CDK14: variants seen among roughly 807,000 people sequenced by gnomAD.
The protein encoded by CDK14 is cyclin dependent kinase 14, also known as cyclin-dependent kinase 14.
Under a neutral mutation model 60.7 loss-of-function variants are expected in CDK14, and 34 were observed. That is an observed-to-expected ratio of 0.56 (90% CI 0.43 to 0.75). The LOEUF (loss-of-function observed/expected upper bound fraction) is 0.75. Among genes scored for constraint, CDK14 ranks in the 30% least tolerant of loss-of-function variants. The pLI is 0.00. For missense variants in CDK14, 482 were observed against 564.1 expected (o/e 0.85, Z 1.47); for synonymous variants, 197 against 203.7 (o/e 0.97, Z 0.28).
intron 2 of CDK14, among the ~76,000 whole-genome samples, chr7:90,610,224 T>A (rs941368703): frequency 6.6e-6 from 1 of 152,096 alleles, no homozygotes; most frequent in Non-Finnish European, 1.5e-5. Context: ...GCCTTACCCC[T>A]TTGTACTTCA....
intron 11 of CDK14, among the ~76,000 whole-genome samples, chr7:91,057,967 A>C (rs954451206): frequency 1.7e-4 from 26 of 152,054 alleles, no homozygotes; most frequent in African/African-American, 6.0e-4. Flanking sequence ...CTTGATGGGG[A>C]TGGCATTGAA....
intron 12 of CDK14, among the ~76,000 whole-genome samples, chr7:91,108,504 A>G (rs984738093): frequency 1.3e-5 from 2 of 152,206 alleles, no homozygotes; most frequent in Non-Finnish European, 2.9e-5. Flanking sequence ...TATGTTTTTA[A>G]TGTCCTACAG....
At chr7:90,751,168 C>A (rs1334412044) in intron 4 of CDK14, among the ~76,000 whole-genome samples, 1 of 151,796 alleles carries the variant, frequency 6.6e-6, no homozygotes, top group African/African-American at 2.4e-5. Context: ...TATCCAGATT[C>A]AAAAAATCTG....
chr7:90,621,663 TCCTTCCTGCCTTCCTG>T (rs1285193236), intron 2 of CDK14, among the ~76,000 whole-genome samples: 1 of 112,650 alleles, frequency 8.9e-6, no homozygotes, highest in Non-Finnish European at 1.8e-5. Flanking sequence ...CTTCCTTCCT[TCCTTCCTGCCTTCCTG>T]CCTTCCTGCC....
chr7:91,194,149 A>G (rs1584199684), intron 14 of CDK14, among the ~76,000 whole-genome samples: 1 of 152,200 alleles, frequency 6.6e-6, no homozygotes, highest in African/African-American at 2.4e-5. Context: ...ATTTCTTTTA[A>G]TAAGGAAGTA....
chr7:91,191,219 G>C (rs1013792175), intron 14 of CDK14, among the ~76,000 whole-genome samples: 1 of 151,988 alleles, frequency 6.6e-6, no homozygotes, highest in Non-Finnish European at 1.5e-5. Flanking sequence ...TCTTTATCAT[G>C]AAAGATCACT....
intron 4 of CDK14, among the ~76,000 whole-genome samples, chr7:90,769,570 G>A (rs570771124): frequency 1.1e-4 from 16 of 151,338 alleles, no homozygotes; most frequent in African/African-American, 1.2e-4. Context: ...GGGTTTAAGC[G>A]ATTCTCCTGC....
chr7:90,854,870 A>G (rs992512913), intron 5 of CDK14, among the ~76,000 whole-genome samples: 1 of 152,224 alleles, frequency 6.6e-6, no homozygotes, highest in Non-Finnish European at 1.5e-5. Flanking sequence ...TCCTGAAGAC[A>G]GTACCTGGAT....
chr7:91,013,574 T>G (rs1474782037), intron 10 of CDK14, among the ~76,000 whole-genome samples: 1 of 151,994 alleles, frequency 6.6e-6, no homozygotes, highest in Non-Finnish European at 1.5e-5. Context: ...GCAATCTGGT[T>G]GAAACCTACG....
chr7:91,024,783 C>T (rs1237972451), intron 10 of CDK14, among the ~76,000 whole-genome samples: 1 of 152,156 alleles, frequency 6.6e-6, no homozygotes, highest in African/African-American at 2.4e-5. Flanking sequence ...AAACCTAGGT[C>T]TGGTAGACTT....
intron 4 of CDK14, among the ~76,000 whole-genome samples, chr7:90,760,009 G>A (rs765940146): frequency 3.3e-5 from 5 of 152,132 alleles, no homozygotes; most frequent in Non-Finnish European, 5.9e-5. Context: ...GAACAATGAA[G>A]GAATTTGCTC....
chr7:90,990,286 A>C (rs1158932210), intron 10 of CDK14, among the ~76,000 whole-genome samples: 1 of 152,192 alleles, frequency 6.6e-6, no homozygotes, highest in African/African-American at 2.4e-5. Context: ...TCTAGAAAAG[A>C]AATATACAAT....
At chr7:90,602,156 A>G (rs1799329863) in intron 1 of CDK14, among the ~76,000 whole-genome samples, 1 of 152,128 alleles carries the variant, frequency 6.6e-6, no homozygotes, top group South Asian at 2.1e-4. Flanking sequence ...AAGAAAACAC[A>G]TGGCTAAATT....
chr7:91,063,812 A>G (rs1318963745), intron 11 of CDK14, among the ~76,000 whole-genome samples: 2 of 152,160 alleles, frequency 1.3e-5, no homozygotes, highest in African/African-American at 4.8e-5. Context: ...CTCCTTCTGA[A>G]GTATATAACT....
rs1049512590 is a variant in CDK14, at chr7:91,026,769, A to C, written c.1042-19128A>C. ...TCCCACTTAGGGTTTATTGTTCATT[A>C]TATCACATTTCATAGTCATATATGG... On this transcript the variant is annotated intron_variant, in intron 10 of 14. Coordinates refer to ENST00000380050, the MANE Select transcript of CDK14 (RefSeq NM_001287135.2). Among the ~76,000 whole-genome samples the C allele has an allele frequency of 2.0e-5, 3 of 152,284 alleles. No homozygotes were observed. The South Asian group carries it at 6.2e-4, about 32-fold the overall frequency.
rs1396734450 is a variant in CDK14, at chr7:90,807,295, C to A, written c.544+16643C>A. 3.3e-5 allele frequency among the ~76,000 whole-genome samples: 5 copies of A among 152,210 alleles called. 1 individual carries two copies. On this transcript the variant is annotated intron_variant, in intron 5 of 14. Transcript: ENST00000380050. ...TTGCAGAGGAATGATCAGGCAGCAA[C>A]ATTTGCTGTTCACCAATACCTGCTG...
At chr7:91,126,631 C>T (rs1799955901) in intron 14 of CDK14, among the ~76,000 whole-genome samples, 1 of 152,082 alleles carries the variant, frequency 6.6e-6, no homozygotes, top group African/African-American at 2.4e-5. Flanking sequence ...TCTTTAGAAA[C>T]TGGCACATCT....
chr7:91,030,788 C>A (rs1186359594), intron 10 of CDK14, among the ~76,000 whole-genome samples: 1 of 152,228 alleles, frequency 6.6e-6, no homozygotes, highest in African/African-American at 2.4e-5. Context: ...TTCTAAGTCA[C>A]CGTTCCCTTT....
chr7:90,600,155 G>A lies in CDK14; in HGVS notation c.91+3437G>A, dbSNP rs568784493. The stretch of plus-strand genomic sequence containing the variant: ...AATTTTAAAGTCACCCATCAATTTC[G>A]GTAGTATTTATGGTTTTCTACTAAA... On this transcript the variant is annotated intron_variant, in intron 1 of 14. Coordinates refer to ENST00000380050, the MANE Select transcript of CDK14 (RefSeq NM_001287135.2). Among the ~76,000 whole-genome samples the A allele has an allele frequency of 7.6e-4, 116 of 152,156 alleles. 1 individual carries two copies. The highest frequency in any genetic ancestry group is 2.6e-3 in the African/African-American group (108 of 41,504).
Sources: allele counts gnomAD v4.1 joint callset (sites outside exome capture counted in the v4.1 genomes callset), GRCh38; gene constraint gnomAD v4.1.1; transcripts MANE v1.5; gene names NCBI Gene and HGNC (gene_info 2026-07-23, HGNC 2026-07-21).